Variants in EPHB1 observed in about 807,000 individuals in gnomAD.
EPHB1 encodes the protein ephrin type-B receptor 1.
In EPHB1, 30 loss-of-function variants were observed where a neutral mutation model predicts 94.4. That is an observed-to-expected ratio of 0.32 (90% CI 0.24 to 0.43). The LOEUF (loss-of-function observed/expected upper bound fraction) is 0.43. EPHB1 is among the 20% of genes least tolerant of loss of function. The probability of loss-of-function intolerance (pLI) is 1.00; values close to 1 mark genes in which losing one functional copy is unlikely to be tolerated. For missense variants in EPHB1, 1,055 were observed against 1,308.3 expected (o/e 0.81, Z 2.99); for synonymous variants, 522 against 489.1 (o/e 1.07, Z -0.89).
At chr3:134,975,159 C>A (rs1934134642) in intron 3 of EPHB1, among the ~76,000 whole-genome samples, 1 of 152,098 alleles carries the variant, frequency 6.6e-6, no homozygotes, top group Non-Finnish European at 1.5e-5. Context: ...AAGGCTGTTT[C>A]CAAAGCTGTT....
At chr3:135,187,911 A>G (rs777156167) in intron 10 of EPHB1, among the ~76,000 whole-genome samples, 1 of 152,132 alleles carries the variant, frequency 6.6e-6, no homozygotes, top group Non-Finnish European at 1.5e-5. Flanking sequence ...TTGTCTTTTT[A>G]AAACAGGCCT....
chr3:134,831,832 C>T (rs938381), intron 1 of EPHB1, among the ~76,000 whole-genome samples: 18,082 of 152,220 alleles, frequency 0.12, 1,209 homozygotes, highest in South Asian at 0.31. Flanking sequence ...CTATATTCTT[C>T]CTTGGTTCAA....
intron 12 of EPHB1, among the ~76,000 whole-genome samples, chr3:135,208,819 A>G (rs1425018896): frequency 6.6e-6 from 1 of 152,220 alleles, no homozygotes; most frequent in Non-Finnish European, 1.5e-5. Context: ...ACATCTACAT[A>G]GCAAGGAGTA....
chr3:134,823,540 A>G (rs2036421278), intron 1 of EPHB1, among the ~76,000 whole-genome samples: 1 of 152,204 alleles, frequency 6.6e-6, no homozygotes. Flanking sequence ...ACCGCTTGCA[A>G]CAACTCCAAA....
intron 3 of EPHB1, among the ~76,000 whole-genome samples, chr3:135,085,677 C>T (rs1231483240): frequency 6.6e-6 from 1 of 152,196 alleles, no homozygotes; most frequent in Non-Finnish European, 1.5e-5. Flanking sequence ...CAGTGTTCCT[C>T]AGCACACACA....
At chr3:134,935,191 G>A (rs1439224022) in intron 2 of EPHB1, among the ~76,000 whole-genome samples, 1 of 152,198 alleles carries the variant, frequency 6.6e-6, no homozygotes, top group Non-Finnish European at 1.5e-5. Flanking sequence ...TGCCCTGACA[G>A]CCTGAACTCA....
intron 3 of EPHB1, among the ~76,000 whole-genome samples, chr3:135,102,451 T>C (rs1195239622): frequency 6.6e-6 from 1 of 152,248 alleles, no homozygotes; most frequent in Non-Finnish European, 1.5e-5. Context: ...TATTTATTTT[T>C]CTATGTTAAA....
In EPHB1 at chr3:135,260,047, G is replaced by GAA; in HGVS notation, c.*936_*937dup. The GAA allele has an allele frequency of 8.0e-5, 18 of 224,816 alleles. No individual in the cohort carries two copies. Among genetic ancestry groups the GAA allele is most frequent in the Non-Finnish European group, 1.3e-4 (15 of 113,256 alleles). 13.9% of individuals were successfully genotyped at this position (224,816 alleles called of 1,614,324 possible). ...GAGAGGGAGAAAAATAAAATGAAAG[G>GAA]AAAAAAAAAAGTTTGCAAATTCAGA... On this transcript the variant is annotated 3_prime_UTR_variant, in exon 16 of 16. Transcript: ENST00000398015.
At chr3:135,163,687 G>A (rs891572217) in intron 7 of EPHB1, among the ~76,000 whole-genome samples, 1 of 152,182 alleles carries the variant, frequency 6.6e-6, no homozygotes, top group Non-Finnish European at 1.5e-5. Context: ...TGGCAATTCT[G>A]CTAGACAAAT....
At chr3:135,094,855 G>A (rs1938700811) in intron 3 of EPHB1, among the ~76,000 whole-genome samples, 1 of 152,210 alleles carries the variant, frequency 6.6e-6, no homozygotes, top group African/African-American at 2.4e-5. Flanking sequence ...AGGAATCTCT[G>A]GTCAGAGGTC....
intron 1 of EPHB1, among the ~76,000 whole-genome samples, chr3:134,875,663 T>A (rs939949370): frequency 3.3e-5 from 5 of 152,222 alleles, no homozygotes; most frequent in African/African-American, 1.2e-4. Context: ...GATGAGCTAA[T>A]GTTTTTGAGC....
intron 1 of EPHB1, among the ~76,000 whole-genome samples, chr3:134,891,770 T>C (rs955182605): frequency 1.3e-5 from 2 of 152,230 alleles, no homozygotes; most frequent in African/African-American, 4.8e-5. Flanking sequence ...AAAGGTCTGT[T>C]TGAGGGTTGG....
chr3:135,063,733 A>AGGAGTGGTGAGAGTG (rs1937545713), intron 3 of EPHB1, among the ~76,000 whole-genome samples: 1 of 152,068 alleles, frequency 6.6e-6, no homozygotes, highest in Non-Finnish European at 1.5e-5. Context: ...TGTGTTGAAG[A>AGGAGTGGTGAGAGTG]GGAGTGGTGA....
chr3:135,052,860 C>CAAAAAA lies in EPHB1; in HGVS notation c.806-53562_806-53557dup, dbSNP rs1193207059. ...TGGGCGACACAGCGAGACTCCGTCTCAAAAAAAAAAAAAAAAAAAAAAAAA... is the reference window on the plus strand; with the variant it reads ...TGGGCGACACAGCGAGACTCCGTCTCAAAAAAAAAAAAAAAAAAAAAAAAAAAAAAA... On this transcript the variant is annotated intron_variant, in intron 3 of 15. Coordinates refer to ENST00000398015, the MANE Select transcript of EPHB1 (RefSeq NM_004441.5). Among the ~76,000 whole-genome samples the CAAAAAA allele has an allele frequency of 4.8e-3, 58 of 12,096 alleles. 18 individuals are homozygous for CAAAAAA. The highest frequency in any genetic ancestry group is 0.02 in the East Asian group (3 of 148). The allele number at this position is 12,096 out of a possible 152,430, so 7.9% of individuals were successfully genotyped here.
At chr3:134,808,611 T>C (rs1206514243) in intron 1 of EPHB1, among the ~76,000 whole-genome samples, 1 of 152,176 alleles carries the variant, frequency 6.6e-6, no homozygotes, top group Non-Finnish European at 1.5e-5. Flanking sequence ...ATATGGATTC[T>C]GGACAGAAGA....
At chr3:135,057,358 C>A (rs1191500996) in intron 3 of EPHB1, among the ~76,000 whole-genome samples, 8 of 152,182 alleles carry the variant, frequency 5.3e-5, no homozygotes, top group Admixed American at 1.3e-4. Context: ...GGCCAGCTGG[C>A]TCATTCCATA....
intron 3 of EPHB1, among the ~76,000 whole-genome samples, chr3:135,101,804 A>G (rs796660795): frequency 3.9e-5 from 6 of 152,264 alleles, no homozygotes; most frequent in African/African-American, 1.4e-4. Context: ...CTTCTTTTAT[A>G]AAGTTTCTTG....
At chr3:134,853,927 C>T (rs1004523612) in intron 1 of EPHB1, among the ~76,000 whole-genome samples, 4 of 152,188 alleles carry the variant, frequency 2.6e-5, no homozygotes, top group Non-Finnish European at 5.9e-5. Context: ...TGGAGTCCTT[C>T]CTGGGAGCCC....
intron 3 of EPHB1, among the ~76,000 whole-genome samples, chr3:135,057,812 G>A (rs1038896516): frequency 5.3e-5 from 8 of 152,232 alleles, no homozygotes; most frequent in Admixed American, 3.3e-4. Flanking sequence ...TTTACTGAAA[G>A]TCTCAGAAAA....
Sources: allele counts gnomAD v4.1 joint callset (sites outside exome capture counted in the v4.1 genomes callset), GRCh38; gene constraint gnomAD v4.1.1; transcripts MANE v1.5; gene names NCBI Gene and HGNC (gene_info 2026-07-23, HGNC 2026-07-21).